Variants in GPRIN3 observed in about 807,000 individuals in gnomAD.
The protein encoded by GPRIN3 is G protein-regulated inducer of neurite outgrowth 3.
A neutral mutation model predicts 13.7 loss-of-function variants in GPRIN3; 12 were observed. The observed-to-expected ratio is 0.87, with a 90% CI of 0.56 to 1.42. GPRIN3 has a LOEUF of 1.42. GPRIN3 is among the 40% of genes most tolerant of loss of function. The pLI is 0.00. For missense variants in GPRIN3, 1,009 were observed against 958.7 expected (o/e 1.05, Z -0.69); for synonymous variants, 377 against 372.7 (o/e 1.01, Z -0.13).
rs780848685 is a variant in GPRIN3, at chr4:89,238,738, T to C, written c.*9042A>G. On this transcript the variant is annotated 3_prime_UTR_variant, in exon 2 of 2. Transcript: ENST00000609438. ...TCATTGCAAATACTTCCAGTTCCAC[T>C]GCAGATTCCTAGCAGAAGCTGTCAC... The C allele has an allele frequency of 3.3e-5, 5 of 152,238 alleles. No homozygotes were observed. The highest frequency in any genetic ancestry group is 7.3e-5 in the Non-Finnish European group (5 of 68,038). The allele number at this position is 152,238 out of a possible 1,614,324, so 9.4% of individuals were successfully genotyped here. A position where few individuals can be genotyped will look rare whatever the true frequency, so the allele number is the denominator to read the frequency against.
In GPRIN3 at chr4:89,244,466, G is replaced by C. The variant is rs559074786; in HGVS notation, c.*3314C>G. 6.6e-6 allele frequency: 1 copy of C among 152,092 alleles called. No individual in the cohort carries two copies. Among genetic ancestry groups the C allele is most frequent in the Non-Finnish European group, 1.5e-5 (1 of 68,020 alleles). The allele number at this position is 152,092 out of a possible 1,614,324, so 9.4% of individuals were successfully genotyped here. A position where few individuals can be genotyped will look rare whatever the true frequency, so the allele number is the denominator to read the frequency against. ...ATTTTATAAATATTCAATTTCAGAC[G>C]TGAACAAAAAGGTTTCTGGTTAACA... On this transcript the variant is annotated 3_prime_UTR_variant, in exon 2 of 2. Transcript: ENST00000609438.
intron 1 of GPRIN3, among the ~76,000 whole-genome samples, chr4:89,276,591 T>C (rs573918138): frequency 9.9e-5 from 15 of 152,224 alleles, no homozygotes; most frequent in Non-Finnish European, 2.1e-4. Context: ...TAGCCTCCCC[T>C]CACCTGAAAT....
At chr4:89,266,351 C>G (rs1723779011) in intron 1 of GPRIN3, among the ~76,000 whole-genome samples, 1 of 152,204 alleles carries the variant, frequency 6.6e-6, no homozygotes, top group Non-Finnish European at 1.5e-5. Flanking sequence ...GGGCCTCTCT[C>G]TGGCAGGCCT....
rs1722944846 is a variant in GPRIN3, at chr4:89,241,468, AT to A, written c.*6311del. Reference sequence around the variant, plus strand: ...CCAGCTACAGTATTATGCACGACATATTGTTCACACATTAGTACAGCAGAGA... The same window carrying A: ...CCAGCTACAGTATTATGCACGACATATGTTCACACATTAGTACAGCAGAGA... On this transcript the variant is annotated 3_prime_UTR_variant, in exon 2 of 2. Transcript: ENST00000609438. 1 of 152,224 alleles carries A rather than the reference AT, an allele frequency of 6.6e-6. No homozygotes were observed. The allele number at this position is 152,224 out of a possible 1,614,324, so 9.4% of individuals were successfully genotyped here.
intron 1 of GPRIN3, among the ~76,000 whole-genome samples, chr4:89,299,749 C>G (rs1233415050): frequency 6.6e-6 from 1 of 152,100 alleles, no homozygotes; most frequent in East Asian, 1.9e-4. Flanking sequence ...AAGTTTATCT[C>G]AACTGCCAGG....
chr4:89,271,468 C>T (rs1157725371), intron 1 of GPRIN3, among the ~76,000 whole-genome samples: 1 of 152,124 alleles, frequency 6.6e-6, no homozygotes, highest in East Asian at 1.9e-4. Context: ...TGCATATAAC[C>T]TACACACATC....
intron 1 of GPRIN3, among the ~76,000 whole-genome samples, chr4:89,268,621 T>C (rs1723846289): frequency 6.6e-6 from 1 of 152,194 alleles, no homozygotes; most frequent in African/African-American, 2.4e-5. Flanking sequence ...TCCAACTGAG[T>C]TGATCCTGAA....
intron 1 of GPRIN3, among the ~76,000 whole-genome samples, chr4:89,254,238 CT>C (rs954820150): frequency 2.7e-5 from 4 of 150,116 alleles, no homozygotes; most frequent in Non-Finnish European, 5.9e-5. Context: ...TTTTTTAAAC[CT>C]TTTTTTTAAG....
At chr4:89,299,849 G>T (rs1355701424) in intron 1 of GPRIN3, among the ~76,000 whole-genome samples, 1 of 152,068 alleles carries the variant, frequency 6.6e-6, no homozygotes, top group East Asian at 1.9e-4. Context: ...TGTGTAAAAA[G>T]TTATACATAA....
intron 1 of GPRIN3, among the ~76,000 whole-genome samples, chr4:89,262,366 G>C (rs1011892407): frequency 7.2e-5 from 11 of 152,016 alleles, no homozygotes; most frequent in Admixed American, 6.6e-5. Flanking sequence ...GATGGTGCTT[G>C]GGGGACAGAA....
chr4:89,236,723 AG>A lies in GPRIN3; in HGVS notation c.*11056del, dbSNP rs1293141948. 1 of 152,194 alleles carries A rather than the reference AG, an allele frequency of 6.6e-6. No individual in the cohort carries two copies. The highest frequency in any genetic ancestry group is 1.5e-5 in the Non-Finnish European group (1 of 68,030). The allele number at this position is 152,194 out of a possible 1,614,324, so 9.4% of individuals were successfully genotyped here. Reference sequence around the variant, plus strand: ...TGATTCGAAGCTGAGATTTGAACCCAGGGTCCTTTGATTCCAAGCCCAGATA... The same window carrying A: ...TGATTCGAAGCTGAGATTTGAACCCAGGTCCTTTGATTCCAAGCCCAGATA... On this transcript the variant is annotated 3_prime_UTR_variant, in exon 2 of 2. Transcript: ENST00000609438.
intron 1 of GPRIN3, among the ~76,000 whole-genome samples, chr4:89,301,230 T>A (rs1724887086): frequency 6.6e-6 from 1 of 152,098 alleles, no homozygotes; most frequent in South Asian, 2.1e-4. Flanking sequence ...TCACAGTGAG[T>A]CAAATGTCTT....
intron 1 of GPRIN3, among the ~76,000 whole-genome samples, chr4:89,262,844 C>T (rs1723671477): frequency 6.6e-6 from 1 of 152,154 alleles, no homozygotes; most frequent in Non-Finnish European, 1.5e-5. Flanking sequence ...CTTTCCTATT[C>T]CTGGTAGCTC....
intron 1 of GPRIN3, among the ~76,000 whole-genome samples, chr4:89,298,905 C>T (rs113624655): frequency 5.3e-5 from 8 of 152,062 alleles, no homozygotes; most frequent in African/African-American, 9.6e-5. Flanking sequence ...CCCTCCCTCT[C>T]GGAGGCTCAG....
intron 1 of GPRIN3, among the ~76,000 whole-genome samples, chr4:89,270,921 G>C (rs1396644399): frequency 2.6e-5 from 4 of 152,134 alleles, no homozygotes; most frequent in African/African-American, 9.7e-5. Flanking sequence ...GAAACTGAAA[G>C]AGAAGACAAA....
At chr4:89,252,926 A>C (rs1723366532) in intron 1 of GPRIN3, among the ~76,000 whole-genome samples, 1 of 148,978 alleles carries the variant, frequency 6.7e-6, no homozygotes, top group Non-Finnish European at 1.5e-5. Flanking sequence ...CAAAAAGCCT[A>C]CCTATTCTTC....
intron 1 of GPRIN3, among the ~76,000 whole-genome samples, chr4:89,255,844 CATT>C (rs1248174127): frequency 1.3e-5 from 2 of 152,208 alleles, no homozygotes; most frequent in Admixed American, 1.3e-4. Flanking sequence ...CTCTCTGTAA[CATT>C]ATAAATTCTT....
intron 1 of GPRIN3, among the ~76,000 whole-genome samples, chr4:89,281,412 G>A (rs183479844): frequency 3.9e-5 from 6 of 152,204 alleles, no homozygotes; most frequent in Admixed American, 1.3e-4. Context: ...GTGAGCCACC[G>A]CACCCAGCTG....
At chr4:89,255,935 T>C (rs952181080) in intron 1 of GPRIN3, among the ~76,000 whole-genome samples, 1 of 152,220 alleles carries the variant, frequency 6.6e-6, no homozygotes, top group Admixed American at 6.5e-5. Flanking sequence ...ACCGTATCCT[T>C]GACAGCAGAC....
Sources: allele counts gnomAD v4.1 joint callset (sites outside exome capture counted in the v4.1 genomes callset), GRCh38; gene constraint gnomAD v4.1.1; transcripts MANE v1.5; gene names NCBI Gene and HGNC (gene_info 2026-07-23, HGNC 2026-07-21).